Variants in PCDHA13 observed in about 807,000 individuals in gnomAD.
The protein encoded by PCDHA13 is protocadherin alpha-13.
PCDHA13 carries 54 observed loss-of-function variants against 64.8 expected under a neutral mutation model. That is an observed-to-expected ratio of 0.83 (90% confidence interval 0.67 to 1.04). The LOEUF is 1.04. Among genes scored for constraint, PCDHA13 ranks in the 50% least tolerant of loss-of-function variants. PCDHA13 has a pLI of 0.00. For missense variants in PCDHA13, 1,248 were observed against 1,254.3 expected (o/e 0.99, Z 0.08); for synonymous variants, 587 against 564.4 (o/e 1.04, Z -0.57).
intron 1 of PCDHA13, among the ~76,000 whole-genome samples, chr5:140,938,918 A>T (rs2092265154): frequency 6.6e-6 from 1 of 152,006 alleles, no homozygotes; most frequent in Non-Finnish European, 1.5e-5. Flanking sequence ...CACGCACAAG[A>T]AATTGGCTTT....
Position 141,009,969 on chromosome 5 carries a change from GT to G in PCDHA13, c.*37del, listed in dbSNP as rs2098415622. On this transcript the variant is annotated 3_prime_UTR_variant, in exon 4 of 4. Coordinates refer to ENST00000289272, the MANE Select transcript of PCDHA13 (RefSeq NM_018904.3). ...CAAATGGAAACAAGCCACTTAGCCA[GT>G]TTTTGTAATAATGGCAAATCTCTCC... 6.3e-7 allele frequency: 1 copy of G among 1,586,478 alleles called. No homozygotes were observed. The highest frequency in any genetic ancestry group is 1.8e-5 in the Admixed American group (1 of 54,174).
intron 1 of PCDHA13, chr5:140,929,001 G>A (rs782325865): frequency 6.2e-7 from 1 of 1,613,996 alleles, no homozygotes; most frequent in East Asian, 2.2e-5. Context: ...TTTTCTTCGT[G>A]TGTACCAAGT....
chr5:140,885,561 T>G (rs1378492280), intron 1 of PCDHA13, among the ~76,000 whole-genome samples: 2 of 152,192 alleles, frequency 1.3e-5, no homozygotes, highest in African/African-American at 4.8e-5. Context: ...TCTACGAAAT[T>G]GATTGTCAGA....
Position 140,920,894 on chromosome 5 carries a change from T to G in PCDHA13, c.2394+36232T>G, listed in dbSNP as rs114918834. Among the ~76,000 whole-genome samples the G allele has an allele frequency of 2.6e-3, 390 of 151,496 alleles. 2 individuals carry two copies. The highest frequency in any genetic ancestry group is 9.2e-3 in the African/African-American group (379 of 41,284). Reference sequence around the variant, plus strand: ...GTGGCCCTTAGAACTTAAAGTCATATTTTGGTTCTCAAATCAGTTCCAAGA... The same window carrying G: ...GTGGCCCTTAGAACTTAAAGTCATAGTTTGGTTCTCAAATCAGTTCCAAGA... On this transcript the variant is annotated intron_variant, in intron 1 of 3. Coordinates refer to ENST00000289272, the MANE Select transcript of PCDHA13 (RefSeq NM_018904.3).
intron 1 of PCDHA13, chr5:140,928,707 C>T: frequency 6.2e-7 from 1 of 1,614,184 alleles, no homozygotes; most frequent in South Asian, 1.1e-5. Flanking sequence ...GGGCGTCTGA[C>T]TCTAGTCTCT....
chr5:140,900,518 C>G (rs1444768233), intron 1 of PCDHA13, among the ~76,000 whole-genome samples: 1 of 152,228 alleles, frequency 6.6e-6, no homozygotes, highest in Admixed American at 6.5e-5. Flanking sequence ...CTCAGGTGAT[C>G]TGCCCACCTC....
At chr5:140,916,323 C>G (rs1035282237) in intron 1 of PCDHA13, among the ~76,000 whole-genome samples, 2 of 152,210 alleles carry the variant, frequency 1.3e-5, no homozygotes. Flanking sequence ...ACAAAGTCCC[C>G]TTTACTTTTT....
chr5:140,895,733 G>C (rs1554186620), intron 1 of PCDHA13, among the ~76,000 whole-genome samples: 1 of 152,030 alleles, frequency 6.6e-6, no homozygotes, highest in Non-Finnish European at 1.5e-5. Context: ...CCATTCAATG[G>C]GCTGCAAAGG....
intron 3 of PCDHA13, among the ~76,000 whole-genome samples, chr5:141,004,307 A>G (rs924420604): frequency 6.6e-6 from 1 of 152,224 alleles, no homozygotes; most frequent in Admixed American, 6.5e-5. Context: ...TTTGTTTTAT[A>G]CAACAACCAG....
intron 1 of PCDHA13, among the ~76,000 whole-genome samples, chr5:140,914,944 CT>C (rs35695909): frequency 0.29 from 37,051 of 128,010 alleles, 4,894 homozygotes; most frequent in East Asian, 0.5. Flanking sequence ...GAAAAGTTGT[CT>C]TTTTTTTTTT....
chr5:140,959,753 T>C (rs1479386012), intron 1 of PCDHA13, among the ~76,000 whole-genome samples: 1 of 152,226 alleles, frequency 6.6e-6, no homozygotes. Context: ...TTAAAGTATA[T>C]TTTAATATTC....
chr5:140,893,110 G>A (rs2063824937), intron 1 of PCDHA13, among the ~76,000 whole-genome samples: 1 of 152,124 alleles, frequency 6.6e-6, no homozygotes, highest in South Asian at 2.1e-4. Context: ...ATATTCCGTT[G>A]TGCATATACA....
At chr5:140,941,221 T>TTCTTTCTTTCTTTCTTTCTTTCTC (rs2092905955) in intron 1 of PCDHA13, among the ~76,000 whole-genome samples, 1 of 131,536 alleles carries the variant, frequency 7.6e-6, no homozygotes, top group Admixed American at 7.9e-5. Context: ...CTTCCTTTCT[T>TTCTTTCTTTCTTTCTTTCTTTCTC]TCTTTCTTTC....
chr5:140,883,393 C>G lies in PCDHA13; in HGVS notation c.1125C>G (p.Ser375=). The change falls in exon 1 of 4, where the codon TCC becomes TCG. Residue 375 remains serine, a synonymous_variant. Coordinates refer to ENST00000289272, the MANE Select transcript of PCDHA13 (RefSeq NM_018904.3). ...CCATTATTGCCCTAATCAGTGTGTC[C>G]GATCGTGACTCTGGCTCAAATGGAC... The part of the protein sequence containing the change: ...PSAIIALISV[S]DRDSGSNGQV... 1 of 1,614,160 alleles carries G rather than the reference C, an allele frequency of 6.2e-7. No individual in the cohort carries two copies. The highest frequency in any genetic ancestry group is 1.1e-5 in the South Asian group (1 of 91,080).
At chr5:140,917,329 G>GGGGGGGGGGGGT (rs1563018868) in intron 1 of PCDHA13, among the ~76,000 whole-genome samples, 1 of 143,928 alleles carries the variant, frequency 6.9e-6, no homozygotes, top group Non-Finnish European at 1.5e-5. Context: ...TGTGGCGGGG[G>GGGGGGGGGGGGT]AGGGGGGGGA....
chr5:140,967,073 G>C (rs1554229137), intron 1 of PCDHA13: 1 of 1,613,160 alleles, frequency 6.2e-7, no homozygotes, highest in Non-Finnish European at 8.5e-7. Context: ...CTTCGTCAAC[G>C]AGCGCATTGA....
chr5:140,988,500 C>T (rs1340106461), intron 3 of PCDHA13, among the ~76,000 whole-genome samples: 1 of 152,116 alleles, frequency 6.6e-6, no homozygotes, highest in Non-Finnish European at 1.5e-5. Flanking sequence ...TAGGAGAAGC[C>T]ATGAAGCTTA....
intron 3 of PCDHA13, among the ~76,000 whole-genome samples, chr5:140,985,476 T>C (rs1554247100): frequency 6.6e-6 from 1 of 152,162 alleles, no homozygotes; most frequent in Admixed American, 6.6e-5. Flanking sequence ...ATTTGGTTGT[T>C]TCCAGACTCA....
chr5:140,968,994 G>A lies in PCDHA13; in HGVS notation c.2395-9955G>A. 6.2e-7 allele frequency: 1 copy of A among 1,614,216 alleles called. No individual in the cohort carries two copies. The highest frequency in any genetic ancestry group is 8.5e-7 in the Non-Finnish European group (1 of 1,180,038). On this transcript the variant is annotated intron_variant, in intron 1 of 3. Transcript: ENST00000289272. ...ACTGCGTATGGCACTGCATGCTGTG[G>A]AGGCTTCTGTGGAGTAAGGGAAAGG...
Sources: gnomAD v4.1 joint callset for allele counts (sites outside exome capture counted in the v4.1 genomes callset) on GRCh38, gnomAD v4.1.1 for gene constraint, MANE v1.5 for transcripts, NCBI Gene and HGNC (gene_info 2026-07-23, HGNC 2026-07-21) for gene names.